Variants in STK26 observed in about 807,000 individuals in gnomAD.
The protein encoded by STK26 is serine/threonine-protein kinase 26.
A neutral mutation model predicts 34.7 loss-of-function variants in STK26; 14 were observed. That is an observed-to-expected ratio of 0.40 (90% CI 0.27 to 0.63). The LOEUF (loss-of-function observed/expected upper bound fraction) is 0.63, where lower values mean the gene tolerates loss of function less well. Ranked by LOEUF, STK26 falls within the 30% of genes least tolerant of loss-of-function variation. The pLI is 0.38. For missense variants in STK26, 226 were observed against 309.1 expected, an observed-to-expected ratio of 0.73 and a Z score of 2.02; for synonymous variants, 100 against 109.8, an observed-to-expected ratio of 0.91 and a Z score of 0.56.
intron 2 of STK26, 34 bp from the exon 3 acceptor site, chrX:132,054,597 G>T (rs762831561): frequency 8.9e-7 from 1 of 1,121,429 alleles, no homozygotes. Context: ...AAACATTTGT[G>T]TTCTTTCTTT....
chrX:132,040,859 C>T (rs1926239141), intron 2 of STK26, among the ~76,000 whole-genome samples: 1 of 111,557 alleles, frequency 9.0e-6, no homozygotes, highest in African/African-American at 3.3e-5. Flanking sequence ...CAGGCTTTAC[C>T]AATGCCACTT....
At chrX:132,050,707 G>A (rs368020809) in intron 2 of STK26, among the ~76,000 whole-genome samples, 15 of 111,805 alleles carry the variant, frequency 1.3e-4, no homozygotes, top group Non-Finnish European at 2.6e-4. Flanking sequence ...TAAAAATATA[G>A]GTATGTATAG....
intron 2 of STK26, among the ~76,000 whole-genome samples, chrX:132,043,564 G>T (rs891530158): frequency 9.0e-6 from 1 of 111,460 alleles, no homozygotes; most frequent in Non-Finnish European, 1.9e-5. Flanking sequence ...AATAATCTCT[G>T]TAATTTTAAC....
chrX:132,069,453 T>TATATATA, intron 6 of STK26, 25 bp from the exon 7 acceptor site: 2 of 304,128 alleles, frequency 6.6e-6, no homozygotes, highest in African/African-American at 8.1e-5. Context: ...ATATATATAT[T>TATATATA]ATTTTCTTTT....
intron 3 of STK26, 149 bp downstream of exon 3, chrX:132,055,010 A>G (rs980378857): frequency 2.9e-5 from 15 of 512,343 alleles, no homozygotes; most frequent in Non-Finnish European, 4.4e-5. Flanking sequence ...TGCCAAATAA[A>G]CCGTTGTTAG....
At chrX:132,067,404 G>T (rs1473298103) in intron 4 of STK26, among the ~76,000 whole-genome samples, 2 of 110,853 alleles carry the variant, frequency 1.8e-5, no homozygotes, top group Non-Finnish European at 3.8e-5. Flanking sequence ...TAATAATATT[G>T]TACAGTCCAC....
intron 2 of STK26, among the ~76,000 whole-genome samples, chrX:132,044,798 G>T (rs2748726): frequency 0.43 from 12,975 of 30,444 alleles, 2,501 homozygotes; most frequent in South Asian, 0.52. Flanking sequence ...TATATATATA[G>T]AGAGAGATCT....
At chrX:132,048,230 A>G (rs1023870322) in intron 2 of STK26, among the ~76,000 whole-genome samples, 2 of 111,992 alleles carry the variant, frequency 1.8e-5, no homozygotes, top group African/African-American at 6.5e-5. Context: ...TGATAAATAC[A>G]TACAATTTTG....
intron 2 of STK26, among the ~76,000 whole-genome samples, chrX:132,044,396 A>G (rs1374761392): frequency 1.8e-5 from 2 of 110,473 alleles, no homozygotes; most frequent in Non-Finnish European, 3.8e-5. Flanking sequence ...TTTGTTTTTA[A>G]TTAAAGATGC....
chrX:132,029,579 C>T (rs759912460), intron 2 of STK26, among the ~76,000 whole-genome samples: 2 of 110,437 alleles, frequency 1.8e-5, no homozygotes, highest in Non-Finnish European at 3.8e-5. Context: ...AGACACAAAG[C>T]CCTCTGCTCA....
rs201251228 is a variant in STK26 at position 132,073,024 on chromosome X, C to T, written c.1157C>T (p.Ala386Val). 11 of 1,209,029 alleles carry T rather than the reference C, an allele frequency of 9.1e-6. No individual in the cohort carries two copies. The Admixed American group carries it at 2.4e-4, about 26-fold the overall frequency. The stretch of plus-strand genomic sequence containing the variant: ...ATTGAAGAACTCGAGAAAAGTATTG[C>T]TGTGGCTGAAGCCGCCTGTCCCGGC... ...QAIEELEKSI[A>V]VAEAACPGIT... Residue 386 changes from alanine to valine, a missense_variant, in exon 11 of 12, where the codon GCT becomes GTT. Coordinates refer to ENST00000394334, the MANE Select transcript of STK26 (RefSeq NM_016542.4).
chrX:132,073,129 A>G lies in STK26; in HGVS notation c.1226+36A>G, dbSNP rs189744600. 5.4e-5 allele frequency: 62 copies of G among 1,147,778 alleles called. No individual in the cohort carries two copies. In the African/African-American group the frequency reaches 9.9e-4, roughly 18 times the overall value. 94.6% of individuals were successfully genotyped at this position (1,147,778 alleles called of 1,213,427 possible). A position where few individuals can be genotyped will look rare whatever the true frequency, so the allele number is the denominator to read the frequency against. On this transcript the variant is annotated intron_variant, in intron 11 of 11. Transcript: ENST00000394334. Reference sequence around the variant, plus strand: ...AATGTCATTTTAAAAATTATTTTGCATTTTCTGTTGTATGTTAATTTATGA... The same window carrying G: ...AATGTCATTTTAAAAATTATTTTGCGTTTTCTGTTGTATGTTAATTTATGA...
chrX:132,032,900 G>T (rs1271877220), intron 2 of STK26, among the ~76,000 whole-genome samples: 1 of 111,284 alleles, frequency 9.0e-6, no homozygotes, highest in Admixed American at 9.6e-5. Flanking sequence ...TTTTTGGCAG[G>T]TGGAGGAAAT....
At chrX:132,070,560 G>T (rs1277661383) in intron 7 of STK26, among the ~76,000 whole-genome samples, 2 of 112,135 alleles carry the variant, frequency 1.8e-5, no homozygotes, top group African/African-American at 6.5e-5. Context: ...TTAATAAAAT[G>T]AAGGCGGAAC....
chrX:132,025,021 T>A (rs1203357512), intron 2 of STK26, among the ~76,000 whole-genome samples: 2 of 111,161 alleles, frequency 1.8e-5, no homozygotes, highest in African/African-American at 3.3e-5. Context: ...CCTTAAACTT[T>A]CTTCCTCTCA....
intron 2 of STK26, among the ~76,000 whole-genome samples, chrX:132,041,047 C>G (rs1207529162): frequency 8.9e-6 from 1 of 112,002 alleles, no homozygotes; most frequent in African/African-American, 3.2e-5. Flanking sequence ...CGCAAAATAT[C>G]AGACATCATC....
intron 2 of STK26, among the ~76,000 whole-genome samples, chrX:132,028,045 T>TTTA (rs1162175663): frequency 9.7e-6 from 1 of 102,888 alleles, no homozygotes; most frequent in Non-Finnish European, 2.0e-5. Flanking sequence ...TTTTTTTTTT[T>TTTA]TTTTGGAGAC....
At chrX:132,046,053 A>G (rs889367611) in intron 2 of STK26, among the ~76,000 whole-genome samples, 3 of 112,160 alleles carry the variant, frequency 2.7e-5, no homozygotes, top group African/African-American at 9.7e-5. Context: ...CGTTCTTTCC[A>G]TATTTCATTT....
chrX:132,024,596 T>C (rs760642887), intron 2 of STK26, among the ~76,000 whole-genome samples: 7 of 111,630 alleles, frequency 6.3e-5, no homozygotes, highest in Non-Finnish European at 1.1e-4. Flanking sequence ...ATTTAGGGGC[T>C]AAAACCACTG....
Sources: allele counts gnomAD v4.1 joint callset (sites outside exome capture counted in the v4.1 genomes callset), GRCh38; gene constraint gnomAD v4.1.1; transcripts MANE v1.5; gene names NCBI Gene and HGNC (gene_info 2026-07-23, HGNC 2026-07-21).